Variants in FILIP1L observed in about 807,000 individuals in gnomAD.
FILIP1L encodes the protein filamin A interacting protein 1 like.
Under a neutral mutation model 96.6 loss-of-function variants are expected in FILIP1L, and 55 were observed. The ratio of observed to expected loss-of-function variants is 0.57; its 90% CI spans 0.46 to 0.71. The LOEUF (loss-of-function observed/expected upper bound fraction) is 0.71. Ranked by LOEUF, FILIP1L falls within the 30% of genes least tolerant of loss-of-function variation. The pLI, the probability that FILIP1L is intolerant of heterozygous loss-of-function variation, is 0.00. For synonymous variants in FILIP1L, 467 were observed against 473.9 expected, an observed-to-expected ratio of 0.99 and a Z score of 0.19; for missense variants, 1,304 against 1,321.2, an observed-to-expected ratio of 0.99 and a Z score of 0.20.
At chr3:99,988,940 CTGTACGGAAT>C (rs1403245441) in intron 1 of FILIP1L, among the ~76,000 whole-genome samples, 1 of 152,158 alleles carries the variant, frequency 6.6e-6, no homozygotes, top group African/African-American at 2.4e-5. Flanking sequence ...TTTCAAATTT[CTGTACGGAAT>C]TATCAGAAGT....
chr3:100,070,981 GC>G (rs1440644652), intron 1 of FILIP1L, among the ~76,000 whole-genome samples: 1 of 151,468 alleles, frequency 6.6e-6, no homozygotes, highest in African/African-American at 2.4e-5. Context: ...ACTATGTAAT[GC>G]CCTTTTTTTG....
chr3:99,904,145 G>C (rs978633281), intron 4 of FILIP1L, among the ~76,000 whole-genome samples: 10 of 152,190 alleles, frequency 6.6e-5, no homozygotes, highest in African/African-American at 1.9e-4. Context: ...TAGTGAGTGT[G>C]ATGAATGTTT....
chr3:99,986,588 G>A (rs1047641814), intron 1 of FILIP1L, among the ~76,000 whole-genome samples: 1 of 152,088 alleles, frequency 6.6e-6, no homozygotes, highest in Non-Finnish European at 1.5e-5. Flanking sequence ...ATACTTGTTT[G>A]TCAAAGAGAA....
At chr3:99,920,141 A>G (rs934151064) in intron 4 of FILIP1L, among the ~76,000 whole-genome samples, 22 of 152,198 alleles carry the variant, frequency 1.4e-4, no homozygotes, top group Non-Finnish European at 2.4e-4. Context: ...CCATAACAAT[A>G]TTTCTTTCCT....
intron 4 of FILIP1L, among the ~76,000 whole-genome samples, chr3:99,917,226 T>C (rs1003848116): frequency 6.6e-6 from 1 of 152,200 alleles, no homozygotes; most frequent in Non-Finnish European, 1.5e-5. Context: ...ATCTCCTTTT[T>C]GCCTGATCTT....
chr3:99,973,232 A>T (rs933203217), intron 1 of FILIP1L, among the ~76,000 whole-genome samples: 27 of 152,062 alleles, frequency 1.8e-4, no homozygotes, highest in Admixed American at 2.6e-4. Flanking sequence ...ATGAATAAAA[A>T]TTTTTTTTCT....
At chr3:99,854,968 G>A (rs1429792705) in intron 4 of FILIP1L, among the ~76,000 whole-genome samples, 1 of 152,168 alleles carries the variant, frequency 6.6e-6, no homozygotes, top group Non-Finnish European at 1.5e-5. Context: ...CAGTAGGTCT[G>A]GGGTGGGCCT....
chr3:99,986,760 T>A (rs1431245311), intron 1 of FILIP1L, among the ~76,000 whole-genome samples: 1 of 152,048 alleles, frequency 6.6e-6, no homozygotes, highest in Non-Finnish European at 1.5e-5. Flanking sequence ...CCCCAGGGGA[T>A]GGTAGGAAGT....
chr3:99,971,450 A>G (rs911755992), intron 1 of FILIP1L, among the ~76,000 whole-genome samples: 4 of 152,198 alleles, frequency 2.6e-5, no homozygotes, highest in Non-Finnish European at 5.9e-5. Flanking sequence ...CATGTTGAAT[A>G]TGAGATGTCT....
chr3:99,902,757 C>T (rs903801800), intron 4 of FILIP1L, among the ~76,000 whole-genome samples: 25 of 152,080 alleles, frequency 1.6e-4, no homozygotes, highest in African/African-American at 6.0e-4. Context: ...TTCTACTATT[C>T]TAGTTGCCTG....
At chr3:99,869,547 C>T (rs1944685543) in intron 4 of FILIP1L, among the ~76,000 whole-genome samples, 1 of 152,186 alleles carries the variant, frequency 6.6e-6, no homozygotes, top group African/African-American at 2.4e-5. Flanking sequence ...AACAGACTAA[C>T]AAGTTAAGAC....
rs1333824720 is a variant in FILIP1L, at chr3:99,923,072, T to C, written c.605+1158A>G. 3.9e-5 allele frequency among the ~76,000 whole-genome samples: 6 copies of C among 152,166 alleles called. No homozygotes were observed. The East Asian group carries it at 9.6e-4, about 24-fold the overall frequency. On this transcript the variant is annotated intron_variant, in intron 4 of 5. Transcript: ENST00000477258. ...TCATTTCATTGCCTTCTTTGTCTTC[T>C]GGTTCTTCTAAGCTTCCACCATTTT...
In FILIP1L at chr3:100,038,254, C is replaced by A. The variant is rs143940529; in HGVS notation, c.-11+75799G>T. 5.3e-3 allele frequency among the ~76,000 whole-genome samples: 812 copies of A among 152,214 alleles called. 4 individuals carry two copies. Among genetic ancestry groups the A allele is most frequent in the Non-Finnish European group, 8.6e-3 (583 of 68,026 alleles). On this transcript the variant is annotated intron_variant, in intron 1 of 5. Transcript: ENST00000477258. ...TACAGGCGTGAGCCACCACGCCCGGCCTCTCTTTTCTTCTCATTAAAATAT... is the reference window on the plus strand; with the variant it reads ...TACAGGCGTGAGCCACCACGCCCGGACTCTCTTTTCTTCTCATTAAAATAT...
At chr3:99,957,935 G>A (rs990102067) in intron 1 of FILIP1L, among the ~76,000 whole-genome samples, 5 of 150,116 alleles carry the variant, frequency 3.3e-5, no homozygotes, top group Admixed American at 6.6e-5. Flanking sequence ...TGAAAACACA[G>A]GTTTCTTTCA....
At chr3:99,922,578 A>T (rs1707158638) in intron 4 of FILIP1L, among the ~76,000 whole-genome samples, 1 of 152,238 alleles carries the variant, frequency 6.6e-6, no homozygotes, top group Admixed American at 6.5e-5. Context: ...TAGCCTAGAT[A>T]TTGAGGTAAC....
chr3:100,075,487 A>G (rs2065835657), intron 1 of FILIP1L: 1 of 151,908 alleles, frequency 6.6e-6, no homozygotes, highest in East Asian at 1.9e-4. Flanking sequence ...AAGTTCTCTT[A>G]CCTTCAAAGC....
chr3:99,971,293 T>G (rs1490233661), intron 1 of FILIP1L, among the ~76,000 whole-genome samples: 4 of 147,342 alleles, frequency 2.7e-5, no homozygotes, highest in African/African-American at 7.6e-5. Context: ...TGAGCCAAGA[T>G]CGTGCCACTG....
chr3:100,072,751 T>G (rs1354965664), intron 1 of FILIP1L, among the ~76,000 whole-genome samples: 1 of 152,220 alleles, frequency 6.6e-6, no homozygotes, highest in Non-Finnish European at 1.5e-5. Context: ...CCTCACTTGA[T>G]AATGTATAGT....
Position 99,851,186 on chromosome 3 carries a change from T to TA in FILIP1L, c.606-117dup, listed in dbSNP as rs1266984431. 48 of 803,560 alleles carry TA rather than the reference T, an allele frequency of 6.0e-5. 1 individual carries two copies. The South Asian group carries it at 1.0e-3, about 17-fold the overall frequency. The allele number at this position is 803,560 out of a possible 1,614,324, so 49.8% of individuals were successfully genotyped here. A position where few individuals can be genotyped will look rare whatever the true frequency, so the allele number is the denominator to read the frequency against. On this transcript the variant is annotated intron_variant, in intron 4 of 5. Transcript: ENST00000477258. ...TAATTATATGAGCTGTGTCAGTTCATATACAATATGCAAAAGAGTTCCTGA... is the reference window on the plus strand; with the variant it reads ...TAATTATATGAGCTGTGTCAGTTCATAATACAATATGCAAAAGAGTTCCTGA...
Sources: allele counts gnomAD v4.1 joint callset (sites outside exome capture counted in the v4.1 genomes callset), GRCh38; gene constraint gnomAD v4.1.1; transcripts MANE v1.5; gene names NCBI Gene and HGNC (gene_info 2026-07-23, HGNC 2026-07-21).